LAMB1: variants seen among roughly 807,000 people sequenced by gnomAD.
The protein encoded by LAMB1 is laminin subunit beta 1.
Under a neutral mutation model 222.3 loss-of-function variants are expected in LAMB1, and 121 were observed. The ratio of observed to expected loss-of-function variants is 0.54; its 90% CI spans 0.47 to 0.63. The LOEUF (loss-of-function observed/expected upper bound fraction) is 0.63, where lower values mean the gene tolerates loss of function less well. LAMB1 is among the 30% of genes least tolerant of loss of function. The probability of loss-of-function intolerance (pLI) is 0.00; values close to 1 mark genes in which losing one functional copy is unlikely to be tolerated. For synonymous variants in LAMB1, 794 were observed against 807.2 expected, an observed-to-expected ratio of 0.98 and a Z score of 0.28; for missense variants, 2,172 against 2,240.8, an observed-to-expected ratio of 0.97 and a Z score of 0.62.
intron 28 of LAMB1, chr7:107,931,739 G>GT (rs1250962459): frequency 1.3e-5 from 7 of 519,584 alleles, no homozygotes; most frequent in South Asian, 2.6e-5. Context: ...TTTTCAAGTT[G>GT]TTTTTTAACT....
At chr7:107,967,767 A>C (rs2033663813) in intron 13 of LAMB1, among the ~76,000 whole-genome samples, 1 of 152,192 alleles carries the variant, frequency 6.6e-6, no homozygotes, top group South Asian at 2.1e-4. Context: ...AATAGAAAAA[A>C]AAATAGTCCC....
intron 18 of LAMB1, 126 bp downstream of exon 18, chr7:107,960,319 C>G (rs2033470259): frequency 1.5e-6 from 1 of 653,040 alleles, no homozygotes; most frequent in African/African-American, 1.8e-5. Flanking sequence ...CAAACTGTAA[C>G]TGAGACACTA....
At chr7:107,962,540 C>A (rs1243886274) in intron 15 of LAMB1, among the ~76,000 whole-genome samples, 1 of 151,964 alleles carries the variant, frequency 6.6e-6, no homozygotes, top group Non-Finnish European at 1.5e-5. Context: ...ATGGCGAAAC[C>A]CCGTCTCTAT....
Position 107,972,989 on chromosome 7 carries a change from T to A in LAMB1, c.1562+3A>T. On this transcript the variant is annotated splice_donor_region_variant and intron_variant, in intron 13 of 33. Transcript: ENST00000222399. ...ACAAGAGCATACGTAGAGCTCCATT[T>A]ACCTGTTGTTTAAGGCTCCCCCAAG... is the stretch of plus-strand genomic sequence containing the variant. 6.2e-7 allele frequency: 1 copy of A among 1,611,032 alleles called. No homozygotes were observed. Among genetic ancestry groups the A allele is most frequent in the Non-Finnish European group, 8.5e-7 (1 of 1,177,160 alleles).
In LAMB1 at chr7:108,001,008, C is replaced by T. The variant is rs554749018; in HGVS notation, c.213+550G>A. On this transcript the variant is annotated intron_variant, in intron 3 of 33. Transcript: ENST00000222399. The stretch of plus-strand genomic sequence containing the variant: ...TAACACCCTGAAATTTCACTGTGGT[C>T]TTCCTGTATCAGGGTACCATGGCAA... Among the ~76,000 whole-genome samples, 157 of 152,230 alleles carry T rather than the reference C, an allele frequency of 1.0e-3. 1 individual carries two copies. Among genetic ancestry groups the T allele is most frequent in the Non-Finnish European group, 1.7e-3 (115 of 68,044 alleles).
intron 5 of LAMB1, among the ~76,000 whole-genome samples, chr7:107,989,272 T>C (rs546477651): frequency 5.9e-5 from 9 of 152,282 alleles, no homozygotes; most frequent in African/African-American, 2.2e-4. Context: ...GTGATGCATT[T>C]TGGGGAATTG....
intron 5 of LAMB1, among the ~76,000 whole-genome samples, chr7:107,990,545 TA>T (rs2034163329): frequency 2.0e-5 from 3 of 150,330 alleles, no homozygotes; most frequent in South Asian, 4.1e-4. Context: ...CTTGACTAAC[TA>T]ATTTTTTTTT....
rs1322639780 is a variant in LAMB1 at position 107,937,199 on chromosome 7, G to T, written c.3840C>A (p.Ser1280Arg). Residue 1280 changes from serine (S) to arginine (R), a missense_variant, in exon 26 of 34, where the codon AGC becomes AGA. By Grantham distance (110) the Ser-to-Arg change is moderately radical. Transcript: ENST00000222399. ...KLSDTTSQSN[S>R]TAKELDSLQT... ...GTAGAGAATCCAGTTCTTTGGCTGT[G>T]CTGTTGCTTTGGGAAGTTGTGTCAG... The T allele has an allele frequency of 6.2e-7, 1 of 1,613,880 alleles. No individual in the cohort carries two copies. The highest frequency in any genetic ancestry group is 8.5e-7 in the Non-Finnish European group (1 of 1,179,810).
rs756179103 is a variant in LAMB1 at position 107,926,308 on chromosome 7, G to T, written c.4939C>A (p.Arg1647Ser). The change falls in exon 32 of 34, where the codon CGC becomes AGC. Residue 1647 changes from arginine to serine, a missense_variant. By Grantham distance (110) the Arg-to-Ser change is moderately radical. Transcript: ENST00000222399. ...ACATTCCTCTCTAACTCGCTGATGC[G>T]CTGGGACGCGTTGAACAAGGTTTCC... is the stretch of plus-strand genomic sequence containing the variant. ...SEETLFNASQ[R>S]ISELERNVEE... 1.2e-6 allele frequency: 2 copies of T among 1,613,842 alleles called. No individual in the cohort carries two copies. Among genetic ancestry groups the T allele is most frequent in the East Asian group, 2.2e-5 (1 of 44,870 alleles).
chr7:107,950,071 A>G (rs2116388828), intron 24 of LAMB1, among the ~76,000 whole-genome samples: 1 of 152,306 alleles, frequency 6.6e-6, no homozygotes, highest in East Asian at 1.9e-4. Flanking sequence ...CTCTACTAAA[A>G]ATACAAAAAT....
chr7:107,926,009 T>C (rs963421073), intron 32 of LAMB1, among the ~76,000 whole-genome samples, 174 bp downstream of exon 32: 6 of 152,128 alleles, frequency 3.9e-5, no homozygotes, highest in Non-Finnish European at 8.8e-5. Context: ...TATTAGATAT[T>C]TCCATATTCT....
chr7:107,991,905 CAAAAAAAAAAA>C (rs71134302), intron 5 of LAMB1, among the ~76,000 whole-genome samples: 1 of 91,992 alleles, frequency 1.1e-5, no homozygotes, highest in Non-Finnish European at 2.1e-5. Context: ...GACTTCGTCT[CAAAAAAAAAAA>C]AAAAAAAAAA....
intron 21 of LAMB1, among the ~76,000 whole-genome samples, chr7:107,954,563 AGGAGATCG>A (rs938853659): frequency 5.3e-5 from 8 of 152,230 alleles, no homozygotes; most frequent in Admixed American, 3.9e-4. Flanking sequence ...TCACGAAGTC[AGGAGATCG>A]AGACCATCCT....
intron 13 of LAMB1, among the ~76,000 whole-genome samples, chr7:107,966,744 G>A (rs549283450): frequency 6.6e-6 from 1 of 152,324 alleles, no homozygotes; most frequent in Admixed American, 6.5e-5. Flanking sequence ...ACCTTCACAT[G>A]CAACCATTAG....
chr7:107,976,233 G>A (rs575046521), intron 9 of LAMB1, among the ~76,000 whole-genome samples: 1 of 152,290 alleles, frequency 6.6e-6, no homozygotes, highest in South Asian at 2.1e-4. Flanking sequence ...AGGTGGGACT[G>A]GATGGAAGAA....
At chr7:107,983,232 A>G (rs965131293) in intron 7 of LAMB1, among the ~76,000 whole-genome samples, 2 of 152,052 alleles carry the variant, frequency 1.3e-5, no homozygotes, top group African/African-American at 2.4e-5. Flanking sequence ...TATTCCCTGG[A>G]CTTCTTCCAC....
chr7:107,963,045 G>A lies in LAMB1; in HGVS notation c.1717C>T (p.Arg573Trp), dbSNP rs766126287. 4.0e-5 allele frequency: 64 copies of A among 1,612,684 alleles called. No homozygotes were observed. Among genetic ancestry groups the A allele is most frequent in the Non-Finnish European group, 5.2e-5 (61 of 1,179,324 alleles). ...NLGPGVSIVE[R>W]QYIQDRIPSW... The stretch of plus-strand genomic sequence containing the variant: ...GGAATCCGGTCCTGGATATATTGCC[G>A]CTCCACTATGCTAACCCCCTGAGGG... The change falls in exon 15 of 34, where the codon CGG (arginine) becomes TGG (tryptophan). Residue 573 changes from arginine (R) to tryptophan (W), a missense_variant. Coordinates refer to ENST00000222399, the MANE Select transcript of LAMB1 (RefSeq NM_002291.3).
chr7:107,937,317 C>T (rs1366568526), intron 25 of LAMB1, 40 bp from the exon 26 acceptor site: 1 of 1,529,610 alleles, frequency 6.5e-7, no homozygotes, highest in Non-Finnish European at 9.0e-7. Flanking sequence ...TAAAATAAAC[C>T]CAAGGGAGAA....
At chr7:107,972,949 C>T in intron 13 of LAMB1, 43 bp downstream of exon 13, 2 of 1,474,494 alleles carry the variant, frequency 1.4e-6, no homozygotes, top group Non-Finnish European at 1.9e-6. Context: ...TCATGACTTT[C>T]CTGGAAGACT....
Sources: allele counts gnomAD v4.1 joint callset (sites outside exome capture counted in the v4.1 genomes callset), GRCh38; gene constraint gnomAD v4.1.1; transcripts MANE v1.5; gene names NCBI Gene and HGNC (gene_info 2026-07-23, HGNC 2026-07-21).